Variants in PSMD2 observed in about 807,000 individuals in gnomAD.
The protein encoded by PSMD2 is proteasome 26S subunit ubiquitin receptor, non-ATPase 2, also known as 26S proteasome non-ATPase regulatory subunit 2.
In PSMD2, 8 loss-of-function variants were observed where a neutral mutation model predicts 101.5. That is an observed-to-expected ratio of 0.08 (90% CI 0.05 to 0.14). The LOEUF is 0.14. Ranked by LOEUF, PSMD2 falls within the 10% of genes least tolerant of loss-of-function variation. The pLI is 1.00. For synonymous variants in PSMD2, 418 were observed against 433.8 expected (o/e 0.96, Z 0.45); for missense variants, 784 against 1,147.4 (o/e 0.68, Z 4.58).
Position 184,299,261 on chromosome 3 carries a change from G to C in PSMD2, c.-6G>C. On this transcript the variant is annotated 5_prime_UTR_variant, in exon 1 of 21. Transcript: ENST00000310118. ...CGCGCGCAGCGGGCCGGCAGTGGCG[G>C]CGGAGATGGAGGAGGGAGGCCGGGA... 1 of 1,339,188 alleles carries C rather than the reference G, an allele frequency of 7.5e-7. No individual in the cohort carries two copies. 83.0% of individuals were successfully genotyped at this position (1,339,188 alleles called of 1,614,324 possible).
At chr3:184,305,372 C>A (rs1560195849) in intron 12 of PSMD2, among the ~76,000 whole-genome samples, 1 of 151,924 alleles carries the variant, frequency 6.6e-6, no homozygotes, top group Non-Finnish European at 1.5e-5. Flanking sequence ...ACCTATAGTC[C>A]CAGCTACTTG....
intron 7 of PSMD2, 50 bp downstream of exon 7, chr3:184,302,873 C>A (rs1164662265): frequency 1.2e-6 from 2 of 1,612,544 alleles, no homozygotes; most frequent in South Asian, 2.2e-5. Context: ...ATTCTACCTG[C>A]CATTTCACCT....
chr3:184,304,401 G>A lies in PSMD2; in HGVS notation c.1539+10G>A, dbSNP rs369797265. 6.2e-7 allele frequency: 1 copy of A among 1,611,910 alleles called. No individual in the cohort carries two copies. The highest frequency in any genetic ancestry group is 8.5e-7 in the Non-Finnish European group (1 of 1,177,948). ...AAAGTCCAGCATGGAGGTGAGTAGAGGCTATTGAGCATTTAGAGTAAGTAG... is the reference window on the plus strand; with the variant it reads ...AAAGTCCAGCATGGAGGTGAGTAGAAGCTATTGAGCATTTAGAGTAAGTAG... On this transcript the variant is annotated intron_variant, in intron 12 of 20. Coordinates refer to ENST00000310118, the MANE Select transcript of PSMD2 (RefSeq NM_002808.5). This position sits in a 1 kb window ranked among gnomAD's most constrained non-coding sequence, Gnocchi z 4.1.
rs956192220 is a variant in PSMD2 at position 184,304,473 on chromosome 3, A to C, written c.1539+82A>C. The C allele has an allele frequency of 7.0e-7, 1 of 1,434,268 alleles. No individual in the cohort carries two copies. The highest frequency in any genetic ancestry group is 9.8e-7 in the Non-Finnish European group (1 of 1,018,816). 88.8% of individuals were successfully genotyped at this position (1,434,268 alleles called of 1,614,324 possible). On this transcript the variant is annotated intron_variant, in intron 12 of 20. Coordinates refer to ENST00000310118, the MANE Select transcript of PSMD2 (RefSeq NM_002808.5). This position sits in a 1 kb window ranked among gnomAD's most constrained non-coding sequence, Gnocchi z 4.1. ...TTTCTGTGATAAATAATGAAAAAGA[A>C]GTAAGTGTGTGCATGTGTGCATACA...
chr3:184,299,767 T>C lies in PSMD2; in HGVS notation c.136-84T>C, dbSNP rs1721580851. The C allele has an allele frequency of 1.1e-5, 13 of 1,167,710 alleles. 1 individual carries two copies. The allele number at this position is 1,167,710 out of a possible 1,614,324, so 72.3% of individuals were successfully genotyped here. ...CTGGCCCCTCCTAAGGAGGCAGGCT[T>C]ATTCTTCACCTGCCCCGGGTAAGTG... is the stretch of plus-strand genomic sequence containing the variant. On this transcript the variant is annotated intron_variant, in intron 1 of 20. Transcript: ENST00000310118.
At chr3:184,303,104 G>A in intron 8 of PSMD2, 42 bp downstream of exon 8, 1 of 1,590,980 alleles carries the variant, frequency 6.3e-7, no homozygotes, top group South Asian at 1.1e-5. Context: ...GGGATTGTAG[G>A]TATGCCCCTT....
chr3:184,302,068 C>T lies in PSMD2; in HGVS notation c.701C>T (p.Thr234Ile), dbSNP rs137934742. Residue 234 changes from threonine (T) to isoleucine (I), a missense_variant, in exon 5 of 21, where the codon ACC becomes ATC. Thr to Ile is a moderately conservative substitution (Grantham distance 89, BLOSUM62 -1). Transcript: ENST00000310118. ...TATGCAAAGGTCTGCCTTTATCTCA[C>T]CAGGTGAGTGAACATGGTAGGGAAG... ...NAYAKVCLYLTSCVNYVPEPE... is the reference protein window; with the variant it reads ...NAYAKVCLYLISCVNYVPEPE... 2 of 1,613,826 alleles carry T rather than the reference C, an allele frequency of 1.2e-6. No individual in the cohort carries two copies. Among genetic ancestry groups the T allele is most frequent in the Non-Finnish European group, 1.7e-6 (2 of 1,179,826 alleles).
chr3:184,307,041 T>G (rs1042813663), intron 16 of PSMD2, among the ~76,000 whole-genome samples: 1 of 152,112 alleles, frequency 6.6e-6, no homozygotes, highest in African/African-American at 2.4e-5. Context: ...GCCTCCCGGG[T>G]TCAGGTGATT....
chr3:184,306,104 G>C lies in PSMD2; in HGVS notation c.1753G>C (p.Glu585Gln), dbSNP rs11545179. The change falls in exon 14 of 21, where the codon GAG becomes CAG. Residue 585 changes from glutamate (E) to glutamine (Q), a missense_variant. Glu to Gln is a conservative substitution (Grantham distance 29, BLOSUM62 2). Transcript: ENST00000310118. ...AILAALEVVSEPFRSFANTLV... is the reference protein window; with the variant it reads ...AILAALEVVSQPFRSFANTLV... The stretch of plus-strand genomic sequence containing the variant: ...CCTGGCTGCACTGGAGGTTGTGTCA[G>C]AGCCATTCCGCAGTTTTGCCAACAC... 6.2e-7 allele frequency: 1 copy of C among 1,614,248 alleles called. No homozygotes were observed. Among genetic ancestry groups the C allele is most frequent in the South Asian group, 1.1e-5 (1 of 91,086 alleles).
At chr3:184,299,938 A>T in intron 2 of PSMD2, 31 bp downstream of exon 2, 2 of 1,596,272 alleles carry the variant, frequency 1.3e-6, no homozygotes, top group Non-Finnish European at 1.7e-6. Flanking sequence ...GATTCGGTGC[A>T]TGTTTGGATC....
rs970714563 is a variant in PSMD2 at position 184,299,249 on chromosome 3, C to G, written c.-18C>G. ...TGCGAGCGGGTGCGCGCGCAGCGGG[C>G]CGGCAGTGGCGGCGGAGATGGAGGA... is the stretch of plus-strand genomic sequence containing the variant. On this transcript the variant is annotated 5_prime_UTR_variant, in exon 1 of 21. Coordinates refer to ENST00000310118, the MANE Select transcript of PSMD2 (RefSeq NM_002808.5). 2 of 1,323,188 alleles carry G rather than the reference C, an allele frequency of 1.5e-6. No individual in the cohort carries two copies. Among genetic ancestry groups the G allele is most frequent in the Non-Finnish European group, 1.9e-6 (2 of 1,038,204 alleles). 82.0% of individuals were successfully genotyped at this position (1,323,188 alleles called of 1,614,324 possible). A position where few individuals can be genotyped will look rare whatever the true frequency, so the allele number is the denominator to read the frequency against.
intron 13 of PSMD2, 21 bp from the exon 14 acceptor site, chr3:184,306,033 C>T: frequency 6.2e-7 from 1 of 1,613,952 alleles, no homozygotes. Flanking sequence ...TATCCTCTGA[C>T]CCCTTGAATC....
intron 6 of PSMD2, 37 bp downstream of exon 6, chr3:184,302,565 C>T (rs770344150): frequency 9.9e-6 from 16 of 1,611,776 alleles, no homozygotes; most frequent in East Asian, 4.5e-5. Context: ...GATAAGCTTA[C>T]GAATAGGACA....
chr3:184,305,661 T>A (rs1188139333), intron 12 of PSMD2, 107 bp from the exon 13 acceptor site: 14 of 1,013,998 alleles, frequency 1.4e-5, no homozygotes, highest in Admixed American at 2.3e-5. Context: ...GAACTAATGT[T>A]ATTAGGGAGA....
At position 184,301,897 on chromosome 3, in the gene PSMD2, A is replaced by G; in HGVS notation, c.530A>G (p.Glu177Gly). 1 of 1,614,206 alleles carries G rather than the reference A, an allele frequency of 6.2e-7. No individual in the cohort carries two copies. Among genetic ancestry groups the G allele is most frequent in the Non-Finnish European group, 8.5e-7 (1 of 1,180,046 alleles). The change falls in exon 5 of 21, where the codon GAG becomes GGG. Residue 177 changes from glutamate to glycine, a missense_variant. Glu to Gly is a moderately conservative substitution (Grantham distance 98). This residue lies in a region of PSMD2 where 208 missense variants were observed against 301.6 expected (regional missense o/e 0.69). Transcript: ENST00000310118. ...GAGTGGCAGGAGCTGGATGACGCAG[A>G]GAAGGTCCAGCGGGAGCCTCTGCTC... ...AKEWQELDDA[E>G]KVQREPLLTL...
chr3:184,301,402 A>C, intron 3 of PSMD2, 135 bp from the exon 4 acceptor site: 1 of 1,182,690 alleles, frequency 8.5e-7, no homozygotes, highest in Admixed American at 2.2e-5. Context: ...TAGCTTACAT[A>C]ACATGTTAAA....
intron 1 of PSMD2, 46 bp from the exon 2 acceptor site, chr3:184,299,805 C>T: frequency 6.5e-7 from 1 of 1,533,660 alleles, no homozygotes; most frequent in Non-Finnish European, 9.0e-7. Context: ...AGGAGGACGT[C>T]TTTGGGATTC....
At position 184,302,031 on chromosome 3, in the gene PSMD2, G is replaced by A; in HGVS notation, c.664G>A (p.Asp222Asn). 1.2e-6 allele frequency: 2 copies of A among 1,614,192 alleles called. No individual in the cohort carries two copies. Among genetic ancestry groups the A allele is most frequent in the Non-Finnish European group, 1.7e-6 (2 of 1,180,038 alleles). ...GGTGGACATGCTGGAGAAGGACATT[G>A]ATGAAAATGCATATGCAAAGGTCTG... ...EQVDMLEKDIDENAYAKVCLY... is the reference protein window; with the variant it reads ...EQVDMLEKDINENAYAKVCLY... The change falls in exon 5 of 21, where the codon GAT (aspartate) becomes AAT (asparagine). Residue 222 changes from aspartate to asparagine, a missense_variant. By Grantham distance (23) the Asp-to-Asn change is conservative. This residue lies in a region of PSMD2 where 208 missense variants were observed against 301.6 expected (regional missense o/e 0.69). Coordinates refer to ENST00000310118, the MANE Select transcript of PSMD2 (RefSeq NM_002808.5).
At position 184,308,426 on chromosome 3, in the gene PSMD2, T is replaced by C. The variant is rs1458459866; in HGVS notation, c.2426-23T>C. ...GGCCTGTCTTTTTGTCTCTTAACTT[T>C]TTGTCCTGTCTGCTTCCCTCAGTTA... On this transcript the variant is annotated intron_variant, in intron 19 of 20. Coordinates refer to ENST00000310118, the MANE Select transcript of PSMD2 (RefSeq NM_002808.5). This position sits in a 1 kb window ranked among gnomAD's most constrained non-coding sequence, Gnocchi z 6.0. 1.9e-6 allele frequency: 3 copies of C among 1,572,900 alleles called. No homozygotes were observed. The highest frequency in any genetic ancestry group is 3.5e-5 in the Admixed American group (2 of 57,764).
Sources: gnomAD v4.1 joint callset for allele counts (sites outside exome capture counted in the v4.1 genomes callset) on GRCh38, gnomAD v4.1.1 for gene constraint, gnomAD v4.1.1 regional missense constraint, Gnocchi (gnomAD v3.1) non-coding constraint, MANE v1.5 for transcripts, NCBI Gene and HGNC (gene_info 2026-07-23, HGNC 2026-07-21) for gene names.